Variants in GRAMD1C observed in about 807,000 individuals in gnomAD.
GRAMD1C encodes the protein protein Aster-C.
A neutral mutation model predicts 97.8 loss-of-function variants in GRAMD1C; 89 were observed. That is an observed-to-expected ratio of 0.91 (90% confidence interval 0.77 to 1.09). The LOEUF is 1.09. Among genes scored for constraint, GRAMD1C ranks in the 50% least tolerant of loss-of-function variants. The pLI, the probability that GRAMD1C is intolerant of heterozygous loss-of-function variation, is 0.00. For synonymous variants in GRAMD1C, 256 were observed against 267.0 expected (o/e 0.96, Z 0.40); for missense variants, 740 against 766.4 (o/e 0.97, Z 0.41).
At position 113,915,128 on chromosome 3, in the gene GRAMD1C, A is replaced by G. The variant is rs1213434401; in HGVS notation, c.953-573A>G. Among the ~76,000 whole-genome samples the G allele has an allele frequency of 2.0e-5, 3 of 152,186 alleles. No homozygotes were observed. The South Asian group carries it at 6.2e-4, about 32-fold the overall frequency. ...TTGTTAGCTTTGATGAATACTTTTC[A>G]GAAGGATTTCTTAGTTCTTTTAATG... On this transcript the variant is annotated intron_variant, in intron 9 of 17. Coordinates refer to ENST00000358160, the MANE Select transcript of GRAMD1C (RefSeq NM_017577.5).
intron 9 of GRAMD1C, among the ~76,000 whole-genome samples, chr3:113,911,669 TTCTC>T (rs772046172): frequency 5.3e-5 from 8 of 150,960 alleles, no homozygotes; most frequent in Middle Eastern, 3.4e-3. Context: ...TTCTTTTCCT[TTCTC>T]TCTCTCTTTC....
chr3:113,857,669 TC>T (rs1934204093), intron 2 of GRAMD1C, among the ~76,000 whole-genome samples: 1 of 152,134 alleles, frequency 6.6e-6, no homozygotes, highest in South Asian at 2.1e-4. Context: ...AGCCACCGTG[TC>T]CAGCCTGTAT....
At chr3:113,940,471 C>A in intron 17 of GRAMD1C, 126 bp downstream of exon 17, 1 of 593,628 alleles carries the variant, frequency 1.7e-6, no homozygotes, top group Non-Finnish European at 3.1e-6. Context: ...GAGCCAACTA[C>A]CCCTGCCAGT....
At chr3:113,943,261 T>C (rs988437167) in intron 17 of GRAMD1C, among the ~76,000 whole-genome samples, 3 of 152,240 alleles carry the variant, frequency 2.0e-5, no homozygotes, top group African/African-American at 7.2e-5. Flanking sequence ...TTGACAGAGC[T>C]AAACACTTCT....
At chr3:113,839,612 A>C (rs1709726624) in intron 1 of GRAMD1C, among the ~76,000 whole-genome samples, 1 of 152,172 alleles carries the variant, frequency 6.6e-6, no homozygotes, top group Non-Finnish European at 1.5e-5. Flanking sequence ...CAGATGAATG[A>C]GTGTTATTTC....
intron 1 of GRAMD1C, among the ~76,000 whole-genome samples, chr3:113,831,183 TAAC>T (rs1191988127): frequency 2.0e-5 from 3 of 152,180 alleles, no homozygotes; most frequent in African/African-American, 2.4e-5. Flanking sequence ...ATGTTCTTTA[TAAC>T]AACAACAACA....
At chr3:113,940,108 C>A in intron 16 of GRAMD1C, 112 bp downstream of exon 16, 1 of 840,834 alleles carries the variant, frequency 1.2e-6, no homozygotes, top group Non-Finnish European at 2.0e-6. Flanking sequence ...ATCCTGTAGC[C>A]ATAAACAGCC....
At chr3:113,923,789 T>A (rs1021159546) in intron 10 of GRAMD1C, among the ~76,000 whole-genome samples, 1 of 152,210 alleles carries the variant, frequency 6.6e-6, no homozygotes, top group Non-Finnish European at 1.5e-5. Flanking sequence ...GATGCTGGCC[T>A]CATAGAATGA....
rs186797404 is a variant in GRAMD1C at position 113,901,470 on chromosome 3, T to C, written c.656+324T>C. On this transcript the variant is annotated intron_variant, in intron 7 of 17. Coordinates refer to ENST00000358160, the MANE Select transcript of GRAMD1C (RefSeq NM_017577.5). ...ATAGATGACAGTAAAGTAAATTATA[T>C]GGTAGGTGTTTTGAAGGATACAATA... is the stretch of plus-strand genomic sequence containing the variant. Among the ~76,000 whole-genome samples the C allele has an allele frequency of 3.0e-3, 461 of 152,284 alleles. 1 individual carries two copies. The highest frequency in any genetic ancestry group is 0.02 in the Middle Eastern group (6 of 294).
intron 7 of GRAMD1C, among the ~76,000 whole-genome samples, 164 bp from the exon 8 acceptor site, chr3:113,903,976 T>C (rs1042746129): frequency 3.9e-5 from 6 of 152,210 alleles, no homozygotes; most frequent in African/African-American, 1.4e-4. Context: ...TTGCATGTAA[T>C]TTAAGAAGAT....
At chr3:113,941,620 A>AT (rs11378575) in intron 17 of GRAMD1C, among the ~76,000 whole-genome samples, 48,782 of 139,392 alleles carry the variant, frequency 0.35, 8,859 homozygotes, top group Middle Eastern at 0.43. Context: ...TGGTGTTGCA[A>AT]TTTTTTTTTT....
At chr3:113,941,768 G>A (rs1937794237) in intron 17 of GRAMD1C, among the ~76,000 whole-genome samples, 1 of 151,966 alleles carries the variant, frequency 6.6e-6, no homozygotes, top group Non-Finnish European at 1.5e-5. Context: ...ACAGGCGCGT[G>A]CCACCATGCC....
At chr3:113,940,895 A>C (rs1937745071) in intron 17 of GRAMD1C, among the ~76,000 whole-genome samples, 3 of 152,204 alleles carry the variant, frequency 2.0e-5, no homozygotes, top group Admixed American at 2.0e-4. Context: ...TAATATTTGC[A>C]GACATTTAAT....
At chr3:113,890,941 C>T (rs1935701019) in intron 6 of GRAMD1C, 7 of 508,928 alleles carry the variant, frequency 1.4e-5, no homozygotes, top group Non-Finnish European at 2.1e-5. Flanking sequence ...CCAAGAAACA[C>T]TGCATTTACT....
chr3:113,879,259 G>T (rs982632567), intron 5 of GRAMD1C, among the ~76,000 whole-genome samples: 5 of 151,394 alleles, frequency 3.3e-5, no homozygotes, highest in South Asian at 4.2e-4. Flanking sequence ...TGCTTAGGCT[G>T]ATATTCCATG....
intron 5 of GRAMD1C, among the ~76,000 whole-genome samples, chr3:113,881,582 G>A (rs1577158631): frequency 1.3e-5 from 2 of 152,346 alleles, no homozygotes; most frequent in African/African-American, 4.8e-5. Context: ...TGGTGGTTGT[G>A]CGTGAGAGTG....
intron 5 of GRAMD1C, among the ~76,000 whole-genome samples, chr3:113,879,989 C>T (rs138338619): frequency 0.014 from 2,155 of 152,080 alleles, 39 homozygotes; most frequent in African/African-American, 0.049. Flanking sequence ...CCACCGTGCC[C>T]GGCTGACCTC....
intron 2 of GRAMD1C, among the ~76,000 whole-genome samples, 191 bp from the exon 3 acceptor site, chr3:113,869,316 T>C (rs1934703020): frequency 6.6e-6 from 1 of 152,220 alleles, no homozygotes; most frequent in Non-Finnish European, 1.5e-5. Flanking sequence ...GCAGAGGGGA[T>C]TGCCAAACTC....
chr3:113,891,287 CA>C (rs1242411494), intron 6 of GRAMD1C, among the ~76,000 whole-genome samples: 1 of 152,204 alleles, frequency 6.6e-6, no homozygotes, highest in Admixed American at 6.5e-5. Context: ...AGAATTCAAC[CA>C]GAACAATTTT....
Sources: allele counts gnomAD v4.1 joint callset (sites outside exome capture counted in the v4.1 genomes callset), GRCh38; gene constraint gnomAD v4.1.1; transcripts MANE v1.5; gene names NCBI Gene and HGNC (gene_info 2026-07-23, HGNC 2026-07-21).